The following SNX8 variants were observed in gnomAD, a reference collection of about 807,000 sequenced individuals.
SNX8 encodes the protein sorting nexin-8.
SNX8 carries 25 observed loss-of-function variants against 51.6 expected under a neutral mutation model. The ratio of observed to expected loss-of-function variants is 0.48; its 90% CI spans 0.35 to 0.68. SNX8 has a LOEUF of 0.68. Among genes scored for constraint, SNX8 ranks in the 30% least tolerant of loss-of-function variants. The pLI is 0.00. For synonymous variants in SNX8, 324 were observed against 277.0 expected (o/e 1.17, Z -1.68); for missense variants, 695 against 624.0 (o/e 1.11, Z -1.21).
upstream of SNX8, among the ~76,000 whole-genome samples, chr7:2,317,136 A>C (rs1796769783): frequency 6.6e-6 from 1 of 151,114 alleles, no homozygotes; most frequent in Non-Finnish European, 1.5e-5. Flanking sequence ...GAAGGCTCTG[A>C]GACATCAGCT....
intron 1 of SNX8, chr7:2,309,707 GACA>G (rs1332634309): frequency 4.5e-6 from 2 of 446,966 alleles, no homozygotes; most frequent in African/African-American, 2.1e-5. Context: ...CTCCAGCCTG[GACA>G]ACAAGAGCGA....
chr7:2,329,203 G>A (rs975534755), intron 1 of SNX8, among the ~76,000 whole-genome samples: 5 of 150,230 alleles, frequency 3.3e-5, no homozygotes, highest in South Asian at 2.1e-4. Flanking sequence ...CCCAGGAGGC[G>A]GAGGTTACAG....
At chr7:2,297,493 T>A (rs549914323) in intron 1 of SNX8, among the ~76,000 whole-genome samples, 1 of 129,538 alleles carries the variant, frequency 7.7e-6, no homozygotes. Context: ...CAGGTTGCAG[T>A]GAGCCGAGAT....
chr7:2,334,432 T>A (rs1183368528), intron 1 of SNX8, among the ~76,000 whole-genome samples: 7 of 148,508 alleles, frequency 4.7e-5, no homozygotes, highest in Non-Finnish European at 7.4e-5. Flanking sequence ...GCACAGTGGC[T>A]CGCGCCTGTA....
intron 7 of SNX8, among the ~76,000 whole-genome samples, chr7:2,260,244 C>T (rs1795303556): frequency 6.6e-6 from 1 of 152,078 alleles, no homozygotes; most frequent in Non-Finnish European, 1.5e-5. Context: ...ATTACAGGTG[C>T]CCGCCACCAC....
chr7:2,291,133 C>CAAAAAAAAG (rs1562441764), intron 1 of SNX8, among the ~76,000 whole-genome samples: 1 of 150,914 alleles, frequency 6.6e-6, no homozygotes, highest in African/African-American at 2.4e-5. Flanking sequence ...CTATTTCTAC[C>CAAAAAAAAG]AAAAAAAAGA....
chr7:2,320,481 G>T (rs1796815139), intron 1 of SNX8, among the ~76,000 whole-genome samples: 1 of 152,160 alleles, frequency 6.6e-6, no homozygotes, highest in Non-Finnish European at 1.5e-5. Context: ...AGCAGTTTGG[G>T]AGGCCAAGGC....
intron 1 of SNX8, among the ~76,000 whole-genome samples, chr7:2,353,819 A>G (rs1420447325): frequency 1.3e-5 from 2 of 151,934 alleles, no homozygotes; most frequent in Admixed American, 1.3e-4. Flanking sequence ...TATGTTGGCA[A>G]GGCTGGTCTC....
At chr7:2,302,768 G>C (rs1584721260) in intron 1 of SNX8, among the ~76,000 whole-genome samples, 1 of 151,942 alleles carries the variant, frequency 6.6e-6, no homozygotes, top group East Asian at 1.9e-4. Context: ...CGTCTGGGAT[G>C]TGAGGAGCGC....
intron 7 of SNX8, among the ~76,000 whole-genome samples, chr7:2,259,155 G>C (rs1562421271): frequency 6.6e-6 from 1 of 152,170 alleles, no homozygotes; most frequent in Non-Finnish European, 1.5e-5. Flanking sequence ...AGACAGCAGG[G>C]GTCTGGGGAA....
intron 1 of SNX8, among the ~76,000 whole-genome samples, chr7:2,307,556 C>T (rs1316954306): frequency 1.4e-5 from 2 of 144,958 alleles, no homozygotes; most frequent in Admixed American, 1.5e-4. Context: ...CGCTTGAACC[C>T]GGGAGGCGGA....
In SNX8 at chr7:2,254,315, G is replaced by C. The variant is rs541689462; in HGVS notation, c.*741C>G. 1 of 153,446 alleles carries C rather than the reference G, an allele frequency of 6.5e-6. No homozygotes were observed. The highest frequency in any genetic ancestry group is 1.5e-5 in the Non-Finnish European group (1 of 68,888). 9.5% of individuals were successfully genotyped at this position (153,446 alleles called of 1,614,324 possible). A position where few individuals can be genotyped will look rare whatever the true frequency, so the allele number is the denominator to read the frequency against. On this transcript the variant is annotated 3_prime_UTR_variant, in exon 11 of 11. Transcript: ENST00000222990. ...GTGCAGACCCCAACACTGGCCACCAGAAATCAAGGGAGTCCAGGGGACGAG... is the reference window on the plus strand; with the variant it reads ...GTGCAGACCCCAACACTGGCCACCACAAATCAAGGGAGTCCAGGGGACGAG...
rs1779079681 is a variant in SNX8 at position 2,348,645 on chromosome 7, A to G, written c.-66+5577T>C. ...CGTGAGCCACCGTGCCCGGCCCAGTATCTTTTTCAGGGTTACCCAGCCAGT... is the reference window on the plus strand; with the variant it reads ...CGTGAGCCACCGTGCCCGGCCCAGTGTCTTTTTCAGGGTTACCCAGCCAGT... On this transcript the variant is annotated intron_variant, in intron 1 of 5. Coordinates refer to the SNX8 transcript ENST00000435336. 2.0e-5 allele frequency among the ~76,000 whole-genome samples: 3 copies of G among 149,690 alleles called. No individual in the cohort carries two copies. In the South Asian group the frequency reaches 6.7e-4, roughly 33 times the overall value.
chr7:2,339,005 G>C (rs960367807), intron 1 of SNX8, among the ~76,000 whole-genome samples: 1 of 152,040 alleles, frequency 6.6e-6, no homozygotes, highest in East Asian at 1.9e-4. Flanking sequence ...CAACTTTTCA[G>C]AGCTCAAGTG....
At chr7:2,270,017 A>T (rs1452807123) in intron 4 of SNX8, among the ~76,000 whole-genome samples, 1 of 151,982 alleles carries the variant, frequency 6.6e-6, no homozygotes, top group Admixed American at 6.6e-5. Context: ...GATACCTGAG[A>T]CCCTGGTAGC....
chr7:2,311,658 C>T (rs1329035697), intron 1 of SNX8, among the ~76,000 whole-genome samples: 2 of 152,184 alleles, frequency 1.3e-5, no homozygotes, highest in Non-Finnish European at 2.9e-5. Context: ...ACCTGCGAGG[C>T]CGGGCGCGGT....
chr7:2,294,391 G>A (rs181141121), intron 1 of SNX8, among the ~76,000 whole-genome samples: 21 of 152,310 alleles, frequency 1.4e-4, no homozygotes, highest in African/African-American at 5.1e-4. Flanking sequence ...CAAGGACTTG[G>A]AGATTGGAGC....
chr7:2,334,681 C>G (rs1297188357), intron 1 of SNX8, among the ~76,000 whole-genome samples: 2 of 151,742 alleles, frequency 1.3e-5, no homozygotes, highest in East Asian at 1.9e-4. Flanking sequence ...GCCTGGGTGA[C>G]AGAGAGAGAC....
chr7:2,339,032 C>T (rs1282744896), intron 1 of SNX8, among the ~76,000 whole-genome samples: 1 of 151,930 alleles, frequency 6.6e-6, no homozygotes, highest in Admixed American at 6.6e-5. Flanking sequence ...CAACCTCAGC[C>T]TCCCCAGTAG....
Sources: gnomAD v4.1 joint callset for allele counts (sites outside exome capture counted in the v4.1 genomes callset) on GRCh38, gnomAD v4.1.1 for gene constraint, MANE v1.5 for transcripts, NCBI Gene and HGNC (gene_info 2026-07-23, HGNC 2026-07-21) for gene names.